The following FSTL5 variants were observed in gnomAD, a reference collection of about 807,000 sequenced individuals.
FSTL5 encodes follistatin like 5.
FSTL5 carries 62 observed loss-of-function variants against 89.1 expected under a neutral mutation model. The ratio of observed to expected loss-of-function variants is 0.70; its 90% CI spans 0.57 to 0.86. The LOEUF (loss-of-function observed/expected upper bound fraction) is 0.86, where lower values mean the gene tolerates loss of function less well. Ranked by LOEUF, FSTL5 falls within the 40% of genes least tolerant of loss-of-function variation. FSTL5 has a pLI of 0.00. For synonymous variants in FSTL5, 383 were observed against 346.2 expected, an observed-to-expected ratio of 1.11 and a Z score of -1.18; for missense variants, 1,057 against 1,001.6, an observed-to-expected ratio of 1.06 and a Z score of -0.75.
intron 4 of FSTL5, among the ~76,000 whole-genome samples, chr4:161,832,849 T>G (rs1318706531): frequency 6.6e-6 from 1 of 150,706 alleles, no homozygotes; most frequent in African/African-American, 2.4e-5. Context: ...ATTCATTAAT[T>G]TTTTGAAGGG....
intron 3 of FSTL5, among the ~76,000 whole-genome samples, chr4:161,935,781 G>A (rs17041772): frequency 0.011 from 1,678 of 151,322 alleles, 26 homozygotes; most frequent in African/African-American, 0.037. Context: ...ACCTCTCTAC[G>A]TTTCCAATGG....
intron 3 of FSTL5, among the ~76,000 whole-genome samples, chr4:162,028,951 A>G (rs997700313): frequency 1.3e-5 from 2 of 152,210 alleles, no homozygotes; most frequent in Admixed American, 1.3e-4. Context: ...ATATTCAAGC[A>G]TTCCAGATTT....
chr4:161,912,889 A>T (rs1338830992), intron 4 of FSTL5, among the ~76,000 whole-genome samples: 1 of 152,150 alleles, frequency 6.6e-6, no homozygotes, highest in Non-Finnish European at 1.5e-5. Context: ...TCAGAAGGAG[A>T]TAAGAAAATT....
At chr4:161,787,549 G>T (rs571511107) in intron 4 of FSTL5, among the ~76,000 whole-genome samples, 3 of 152,254 alleles carry the variant, frequency 2.0e-5, no homozygotes, top group African/African-American at 7.2e-5. Flanking sequence ...AACTTTAGAT[G>T]CTAAAGTCTA....
chr4:162,125,150 T>C (rs62331312), intron 1 of FSTL5, among the ~76,000 whole-genome samples: 64,320 of 152,028 alleles, frequency 0.42, 14,856 homozygotes, highest in Non-Finnish European at 0.52. Flanking sequence ...GGACACAGCT[T>C]TCTATCAATT....
At chr4:161,630,228 C>T (rs998919514) in intron 7 of FSTL5, among the ~76,000 whole-genome samples, 3 of 152,168 alleles carry the variant, frequency 2.0e-5, no homozygotes, top group African/African-American at 7.2e-5. Context: ...TCCAGCTTAC[C>T]CTTTACTGGT....
At position 161,899,652 on chromosome 4, in the gene FSTL5, A is replaced by T. The variant is rs183378265; in HGVS notation, c.409+20752T>A. Among the ~76,000 whole-genome samples, 698 of 152,298 alleles carry T rather than the reference A, an allele frequency of 4.6e-3. 3 individuals are homozygous for T. The highest frequency in any genetic ancestry group is 0.016 in the African/African-American group (678 of 41,568). ...TTGAAAATATAGTGATGAAAAATCA[A>T]ATAATGGCCCTGATCCCCTGAAATG... On this transcript the variant is annotated intron_variant, in intron 4 of 15. Coordinates refer to ENST00000306100, the MANE Select transcript of FSTL5 (RefSeq NM_020116.5).
chr4:161,385,032 C>T lies in FSTL5; in HGVS notation c.*715G>A, dbSNP rs1375049208. On this transcript the variant is annotated 3_prime_UTR_variant, in exon 16 of 16. Transcript: ENST00000306100. ...AAATATTTTGACTGTAATTATTTTT[C>T]CTCCCTTCCTCCCCACTTTCTATAG... The T allele has an allele frequency of 2.0e-5, 3 of 152,074 alleles. No homozygotes were observed. Among genetic ancestry groups the T allele is most frequent in the African/African-American group, 7.2e-5 (3 of 41,410 alleles). The allele number at this position is 152,074 out of a possible 1,614,324, so 9.4% of individuals were successfully genotyped here.
intron 2 of FSTL5, among the ~76,000 whole-genome samples, chr4:162,036,664 A>G (rs545596261): frequency 1.3e-5 from 2 of 152,172 alleles, no homozygotes; most frequent in South Asian, 2.1e-4. Context: ...GCATAAAAAA[A>G]TTACAGGAGA....
chr4:161,405,887 T>G (rs1187888775), intron 15 of FSTL5, among the ~76,000 whole-genome samples: 1 of 152,150 alleles, frequency 6.6e-6, no homozygotes, highest in East Asian at 1.9e-4. Flanking sequence ...AGTTTCAAAG[T>G]GCTGAAGGAA....
chr4:161,389,001 T>C (rs759135497), intron 15 of FSTL5, among the ~76,000 whole-genome samples: 2 of 152,126 alleles, frequency 1.3e-5, no homozygotes, highest in Non-Finnish European at 2.9e-5. Context: ...GCATCTGCAT[T>C]GTATGCTCCT....
chr4:161,957,664 G>A (rs888142512), intron 3 of FSTL5, among the ~76,000 whole-genome samples: 2 of 151,962 alleles, frequency 1.3e-5, no homozygotes, highest in Admixed American at 1.3e-4. Context: ...ATTAAATATC[G>A]TATTTAAGAT....
chr4:161,984,495 T>C (rs1014165706), intron 3 of FSTL5, among the ~76,000 whole-genome samples: 1 of 152,142 alleles, frequency 6.6e-6, no homozygotes, highest in African/African-American at 2.4e-5. Flanking sequence ...ATAAAAAATG[T>C]ATTAGAAATA....
chr4:161,618,632 A>C (rs1734985734), intron 7 of FSTL5, among the ~76,000 whole-genome samples: 1 of 152,004 alleles, frequency 6.6e-6, no homozygotes, highest in Non-Finnish European at 1.5e-5. Flanking sequence ...ACATTTATTG[A>C]TTTGCATATA....
intron 15 of FSTL5, among the ~76,000 whole-genome samples, chr4:161,422,437 G>C (rs940528162): frequency 1.3e-5 from 2 of 152,146 alleles, no homozygotes; most frequent in African/African-American, 4.8e-5. Flanking sequence ...TCCTGAGCTA[G>C]TGAGAATCTT....
intron 6 of FSTL5, among the ~76,000 whole-genome samples, chr4:161,722,658 T>C (rs1739256687): frequency 6.6e-6 from 1 of 152,196 alleles, no homozygotes; most frequent in Non-Finnish European, 1.5e-5. Flanking sequence ...TAACTAGCTA[T>C]TTCCTTAATC....
At chr4:161,712,693 G>C (rs1738834494) in intron 6 of FSTL5, among the ~76,000 whole-genome samples, 2 of 151,970 alleles carry the variant, frequency 1.3e-5, no homozygotes, top group South Asian at 4.1e-4. Flanking sequence ...TGAATGGCTT[G>C]GTGCTGTCCT....
intron 3 of FSTL5, among the ~76,000 whole-genome samples, chr4:161,952,149 T>A (rs1245996836): frequency 1.3e-5 from 2 of 152,066 alleles, no homozygotes; most frequent in Non-Finnish European, 2.9e-5. Context: ...AAATAATGGA[T>A]CTTTCTTTAA....
chr4:161,673,081 T>C (rs1579010828), intron 6 of FSTL5, among the ~76,000 whole-genome samples: 1 of 134,008 alleles, frequency 7.5e-6, no homozygotes, highest in African/African-American at 2.7e-5. Flanking sequence ...AAAGAAGACA[T>C]GTGAACAATT....
Sources: allele counts gnomAD v4.1 joint callset (sites outside exome capture counted in the v4.1 genomes callset), GRCh38; gene constraint gnomAD v4.1.1; transcripts MANE v1.5; gene names NCBI Gene and HGNC (gene_info 2026-07-23, HGNC 2026-07-21).